The following MAP4K1 variants were observed in gnomAD, a reference collection of about 807,000 sequenced individuals.
MAP4K1 encodes the protein mitogen-activated protein kinase kinase kinase kinase 1.
Under a neutral mutation model 122.8 loss-of-function variants are expected in MAP4K1, and 35 were observed. That is an observed-to-expected ratio of 0.29 (90% CI 0.22 to 0.38). The LOEUF (loss-of-function observed/expected upper bound fraction) is 0.38. Among genes scored for constraint, MAP4K1 ranks in the 10% least tolerant of loss-of-function variants. The pLI is 1.00. For synonymous variants in MAP4K1, 412 were observed against 421.3 expected, an observed-to-expected ratio of 0.98 and a Z score of 0.27; for missense variants, 791 against 1,072.6, an observed-to-expected ratio of 0.74 and a Z score of 3.67.
chr19:38,607,559 CA>C (rs759008757), intron 16 of MAP4K1, among the ~76,000 whole-genome samples: 11,921 of 54,968 alleles, frequency 0.22, 468 homozygotes, highest in East Asian at 0.4. Context: ...GACTCCATCT[CA>C]AAAAAAAAAA....
chr19:38,592,114 A>C (rs1974745013), intron 30 of MAP4K1, among the ~76,000 whole-genome samples: 4 of 152,056 alleles, frequency 2.6e-5, no homozygotes, highest in Admixed American at 2.6e-4. Flanking sequence ...TCTACAAAAA[A>C]ATTTTAAAAA....
intron 11 of MAP4K1, among the ~76,000 whole-genome samples, chr19:38,610,429 A>G (rs529070170): frequency 1.6e-5 from 2 of 126,746 alleles, no homozygotes; most frequent in Admixed American, 2.1e-4. Flanking sequence ...CCTGTCACTC[A>G]GACTGGAGTG....
At chr19:38,603,131 C>CATGTACAT (rs1975185012) in intron 19 of MAP4K1, among the ~76,000 whole-genome samples, 2 of 110,692 alleles carry the variant, frequency 1.8e-5, no homozygotes, top group African/African-American at 6.6e-5. Flanking sequence ...CATATATACG[C>CATGTACAT]ATATACATAT....
At chr19:38,604,822 C>T (rs1201190391) in intron 19 of MAP4K1, among the ~76,000 whole-genome samples, 2 of 150,818 alleles carry the variant, frequency 1.3e-5, no homozygotes, top group African/African-American at 4.9e-5. Flanking sequence ...CGCGGTGGCT[C>T]ATGCCTGTAA....
At chr19:38,614,729 T>C (rs1599721258) in intron 4 of MAP4K1, 1 of 459,688 alleles carries the variant, frequency 2.2e-6, no homozygotes, top group East Asian at 4.2e-5. Flanking sequence ...GAGACCAGCC[T>C]GGCCAACATG....
rs1555811720 is a variant in MAP4K1 at position 38,608,828 on chromosome 19, A to AAAAAAAAAAAAAAAAAAAC, written c.1007-659_1007-658insGTTTTTTTTTTTTTTTTTT. ...AAAAAAAAAAAAAAAAAAAAAAAAA[A>AAAAAAAAAAAAAAAAAAAC]ACATTAGCCACGCGTGGTGAATAAG... On this transcript the variant is annotated intron_variant, in intron 13 of 30. Transcript: ENST00000396857. Among the ~76,000 whole-genome samples the AAAAAAAAAAAAAAAAAAAC allele has an allele frequency of 1.4e-4, 19 of 137,240 alleles. 1 individual carries two copies. Among genetic ancestry groups the AAAAAAAAAAAAAAAAAAAC allele is most frequent in the Non-Finnish European group, 2.8e-4 (17 of 61,436 alleles). The allele number at this position is 137,240 out of a possible 152,430, so 90.0% of individuals were successfully genotyped here.
At chr19:38,600,019 C>A (rs760935438) in intron 21 of MAP4K1, 34 bp from the exon 22 acceptor site, 1 of 1,614,052 alleles carries the variant, frequency 6.2e-7, no homozygotes, top group Non-Finnish European at 8.5e-7. Context: ...TCTGGTGACA[C>A]CCCAGCAACC....
In MAP4K1 at chr19:38,617,513, G is replaced by A; in HGVS notation, c.157+55C>T. 2 of 1,605,304 alleles carry A rather than the reference G, an allele frequency of 1.2e-6. No homozygotes were observed. The highest frequency in any genetic ancestry group is 2.2e-5 in the South Asian group (2 of 90,966). On this transcript the variant is annotated intron_variant, in intron 2 of 30. Transcript: ENST00000396857. The surrounding 1 kb of genome is among the most constrained non-coding windows in gnomAD (Gnocchi z 4.1). ...GAGCTACAGGGGAGGTGATCCCAGT[G>A]TCCCAGGAGGCGAAGGTGGGGATGT...
intron 13 of MAP4K1, among the ~76,000 whole-genome samples, chr19:38,609,304 T>A (rs746797819): frequency 6.6e-6 from 1 of 151,988 alleles, no homozygotes; most frequent in African/African-American, 2.4e-5. Flanking sequence ...CCGGCTAATT[T>A]TTGTATTTTT....
In MAP4K1 at chr19:38,596,553, T is replaced by C. The variant is rs537789039; in HGVS notation, c.1942-67A>G. On this transcript the variant is annotated intron_variant, in intron 25 of 30. Transcript: ENST00000396857. The stretch of plus-strand genomic sequence containing the variant: ...GGACGGGGCCTCAGGGGGCGTGGCT[T>C]GTAGCTGGCCTGGGACTTCCGAACC... 2.4e-4 allele frequency: 320 copies of C among 1,328,432 alleles called. 2 individuals carry two copies. Among genetic ancestry groups the C allele is most frequent in the Middle Eastern group, 7.6e-4 (3 of 3,958 alleles). The allele number at this position is 1,328,432 out of a possible 1,614,324, so 82.3% of individuals were successfully genotyped here. A position where few individuals can be genotyped will look rare whatever the true frequency, so the allele number is the denominator to read the frequency against.
intron 29 of MAP4K1, 36 bp downstream of exon 29, chr19:38,595,449 G>A (rs1568622948): frequency 6.2e-7 from 1 of 1,607,728 alleles, no homozygotes; most frequent in South Asian, 1.1e-5. Flanking sequence ...TGGAGGCTGG[G>A]GGGCAGTGAT....
chr19:38,608,250 G>C (rs1975390907), intron 13 of MAP4K1, 80 bp from the exon 14 acceptor site: 3 of 592,214 alleles, frequency 5.1e-6, no homozygotes, highest in East Asian at 5.9e-5. Context: ...AGAAAGAGTA[G>C]AATTGGCGGG....
At position 38,595,637 on chromosome 19, in the gene MAP4K1, G is replaced by A; in HGVS notation, c.2269+3C>T. On this transcript the variant is annotated splice_donor_region_variant and intron_variant, in intron 28 of 30. Coordinates refer to ENST00000396857, the MANE Select transcript of MAP4K1 (RefSeq NM_001042600.3). ...TCCTGGGCTCTCCCGTCCCTGCACA[G>A]ACCCACGGCCTCCACCGCTTCGGTC... 9 of 1,613,852 alleles carry A rather than the reference G, an allele frequency of 5.6e-6. No individual in the cohort carries two copies. Among genetic ancestry groups the A allele is most frequent in the Non-Finnish European group, 6.8e-6 (8 of 1,179,836 alleles).
At chr19:38,593,659 G>A (rs1007661001) in intron 29 of MAP4K1, among the ~76,000 whole-genome samples, 4 of 152,200 alleles carry the variant, frequency 2.6e-5, no homozygotes, top group African/African-American at 4.8e-5. Flanking sequence ...CTGAGATTGC[G>A]CCACTGGGCG....
chr19:38,607,783 G>A (rs993125416), intron 16 of MAP4K1, 81 bp downstream of exon 16: 4 of 1,480,118 alleles, frequency 2.7e-6, no homozygotes, highest in Non-Finnish European at 3.7e-6. Context: ...GTCAGGAGTG[G>A]AGGAAAGGCC....
intron 22 of MAP4K1, among the ~76,000 whole-genome samples, chr19:38,598,962 G>A (rs527701641): frequency 2.1e-5 from 3 of 143,306 alleles, no homozygotes; most frequent in Admixed American, 1.5e-4. Flanking sequence ...GCAGTGAGCC[G>A]AGACTGCGCC....
Position 38,605,558 on chromosome 19 carries a change from G to A in MAP4K1, c.1363+10C>T. On this transcript the variant is annotated intron_variant, in intron 18 of 30. Transcript: ENST00000396857. ...ACCCTCCCGCCCTCCACCCTAGCCT[G>A]TCCCATTACCTGAATGGGCGGTGAG... The A allele has an allele frequency of 6.5e-7, 1 of 1,530,136 alleles. No homozygotes were observed. Among genetic ancestry groups the A allele is most frequent in the African/African-American group, 1.4e-5 (1 of 72,110 alleles). The allele number at this position is 1,530,136 out of a possible 1,614,324, so 94.8% of individuals were successfully genotyped here.
chr19:38,601,330 C>G lies in MAP4K1; in HGVS notation c.1531+111G>C. 4 of 948,756 alleles carry G rather than the reference C, an allele frequency of 4.2e-6. No homozygotes were observed. In the South Asian group the frequency reaches 6.0e-5, roughly 14 times the overall value. The allele number at this position is 948,756 out of a possible 1,614,324, so 58.8% of individuals were successfully genotyped here. On this transcript the variant is annotated intron_variant, in intron 20 of 30. Transcript: ENST00000396857. ...GTTTCAGCCTGGCCACACCCCAACT[C>G]CATTAAGCTCCTCCCCGTCCCTGCC...
In MAP4K1 at chr19:38,595,494, G is replaced by T. The variant is rs564853457; in HGVS notation, c.2331C>A (p.Gly777=). The T allele has an allele frequency of 1.2e-6, 2 of 1,614,032 alleles. No homozygotes were observed. The highest frequency in any genetic ancestry group is 1.3e-5 in the African/African-American group (1 of 74,988). ...WKHGVQVWAL[G]SDQLLQELRD... ...GGATGGAGGGGCTTACCTGATCCGAGCCTAGAGCCCACACCTGCACTCCAT... is the reference window on the plus strand; with the variant it reads ...GGATGGAGGGGCTTACCTGATCCGATCCTAGAGCCCACACCTGCACTCCAT... The change falls in exon 29 of 31, where the codon GGC becomes GGA. Residue 777 remains glycine, a synonymous_variant. Transcript: ENST00000396857.
Sources: allele counts gnomAD v4.1 joint callset (sites outside exome capture counted in the v4.1 genomes callset), GRCh38; gene constraint gnomAD v4.1.1; non-coding constraint Gnocchi (gnomAD v3.1); transcripts MANE v1.5; gene names NCBI Gene and HGNC (gene_info 2026-07-23, HGNC 2026-07-21).